The following STAG3 variants were observed in gnomAD, a reference collection of about 807,000 sequenced individuals.
STAG3 encodes STAG3 cohesin complex component.
A neutral mutation model predicts 160.7 loss-of-function variants in STAG3; 101 were observed. That is an observed-to-expected ratio of 0.63 (90% CI 0.54 to 0.74). The LOEUF is 0.74. Among genes scored for constraint, STAG3 ranks in the 30% least tolerant of loss-of-function variants. The pLI, the probability that STAG3 is intolerant of heterozygous loss-of-function variation, is 0.00. For synonymous variants in STAG3, 519 were observed against 585.0 expected (o/e 0.89, Z 1.63); for missense variants, 1,188 against 1,517.4 (o/e 0.78, Z 3.61).
chr7:100,199,072 T>G, intron 14 of STAG3, 115 bp downstream of exon 14: 7 of 1,049,916 alleles, frequency 6.7e-6, no homozygotes, highest in Non-Finnish European at 1.0e-5. Flanking sequence ...GGAGGATCCT[T>G]TGAGCCCAGG....
chr7:100,203,235 A>G (rs1404546985), intron 25 of STAG3, among the ~76,000 whole-genome samples: 2 of 150,734 alleles, frequency 1.3e-5, no homozygotes, highest in Non-Finnish European at 1.5e-5. Flanking sequence ...GCCAGGCTAG[A>G]ATGCAATGGC....
In STAG3 at chr7:100,180,476, T is replaced by G. The variant is rs1562962784; in HGVS notation, c.-64-17T>G. On this transcript the variant is annotated splice_polypyrimidine_tract_variant and intron_variant, in intron 1 of 33. Transcript: ENST00000615138. ...GAAGTGCTGTGGTAGGAGCCCTTTC[T>G]TCTCTTTCTTCCCCAGCTGGATCGC... 11 of 820,034 alleles carry G rather than the reference T, an allele frequency of 1.3e-5. No homozygotes were observed. The highest frequency in any genetic ancestry group is 1.9e-5 in the Non-Finnish European group (9 of 467,046). The allele number at this position is 820,034 out of a possible 1,614,324, so 50.8% of individuals were successfully genotyped here. A position where few individuals can be genotyped will look rare whatever the true frequency, so the allele number is the denominator to read the frequency against.
At chr7:100,194,457 T>C (rs907977420) in intron 8 of STAG3, among the ~76,000 whole-genome samples, 2 of 152,154 alleles carry the variant, frequency 1.3e-5, no homozygotes, top group African/African-American at 4.8e-5. Context: ...TGCCATCTTA[T>C]ATGGGCACGG....
At chr7:100,178,222 G>T (rs547766431) in intron 1 of STAG3, among the ~76,000 whole-genome samples, 1 of 152,324 alleles carries the variant, frequency 6.6e-6, no homozygotes, top group African/African-American at 2.4e-5. Context: ...CGCTTGGAAG[G>T]CTCTTTATCC....
intron 32 of STAG3, chr7:100,212,212 C>T (rs1617502): frequency 0.68 from 136,325 of 200,118 alleles, 47,585 homozygotes; most frequent in Middle Eastern, 0.84. Flanking sequence ...GTGGCAGCCC[C>T]TTCAGTGTCT....
At chr7:100,213,300 A>ACT (rs1211925973) in intron 32 of STAG3, 1 of 984,678 alleles carries the variant, frequency 1.0e-6, no homozygotes, top group Non-Finnish European at 1.2e-6. Context: ...GGACACAGAT[A>ACT]TTCAGTCCAT....
chr7:100,186,125 A>G (rs996133337), intron 4 of STAG3, 75 bp from the exon 5 acceptor site: 44 of 1,144,114 alleles, frequency 3.8e-5, no homozygotes, highest in Admixed American at 1.2e-4. Context: ...AGATGGTTCA[A>G]CTGGGAAGAT....
chr7:100,185,332 C>T (rs1178441627), intron 4 of STAG3, among the ~76,000 whole-genome samples: 5 of 152,158 alleles, frequency 3.3e-5, no homozygotes, highest in African/African-American at 1.2e-4. Context: ...TGTGGTGGCT[C>T]ATGCCTGTAA....
chr7:100,181,152 A>G (rs1799622657), intron 2 of STAG3, among the ~76,000 whole-genome samples: 1 of 151,726 alleles, frequency 6.6e-6, no homozygotes, highest in Admixed American at 6.6e-5. Context: ...AGTGTCCCCT[A>G]TTTCTTCTAC....
At chr7:100,179,185 G>A (rs941288) in intron 1 of STAG3, among the ~76,000 whole-genome samples, 27,191 of 147,818 alleles carry the variant, frequency 0.18, 3,191 homozygotes, top group Middle Eastern at 0.34. Context: ...TTCCCTTGCA[G>A]CAGGCAGTTT....
Position 100,189,460 on chromosome 7 carries a change from C to A in STAG3, c.731C>A (p.Thr244Asn). 3 of 1,613,624 alleles carry A rather than the reference C, an allele frequency of 1.9e-6. No homozygotes were observed. The highest frequency in any genetic ancestry group is 1.3e-5 in the African/African-American group (1 of 74,980). Residue 244 changes from threonine (T) to asparagine (N), a missense_variant, in exon 8 of 34, where the codon ACC (threonine) becomes AAC (asparagine). Physicochemically the swap from Thr to Asn is moderately conservative, Grantham distance 65 (BLOSUM62 0). Transcript: ENST00000615138. The stretch of plus-strand genomic sequence containing the variant: ...TTTCTCAAAGCTATGAAACTGATGA[C>A]CTCCCTGGTAAAAGTTGCCCTCCAA... ...TSTLAAMKLM[T>N]SLVKVALQLS...
intron 8 of STAG3, among the ~76,000 whole-genome samples, chr7:100,191,630 G>A (rs1800349343): frequency 6.6e-6 from 1 of 152,204 alleles, no homozygotes; most frequent in African/African-American, 2.4e-5. Flanking sequence ...CCTTTAGCGA[G>A]TTAAATCTTT....
At chr7:100,209,643 G>A (rs1443760598) in intron 29 of STAG3, among the ~76,000 whole-genome samples, 2 of 152,220 alleles carry the variant, frequency 1.3e-5, no homozygotes, top group African/African-American at 2.4e-5. Flanking sequence ...CAGCAGGGAG[G>A]TTGTGGCTGT....
Position 100,198,862 on chromosome 7 carries a change from G to A in STAG3, c.1372G>A (p.Glu458Lys), listed in dbSNP as rs754225345. The A allele has an allele frequency of 2.5e-6, 4 of 1,612,224 alleles. No homozygotes were observed. Among genetic ancestry groups the A allele is most frequent in the South Asian group, 1.1e-5 (1 of 90,996 alleles). ...CACCAGACTCTTCTACCCTGAGTGC[G>A]AGATAAGAATGATGGGTGGAAGAGA... ...LYWKLFYPEC[E>K]IRMMGGREQR... is the part of the protein sequence containing the mutation. The change falls in exon 14 of 34, where the codon GAG becomes AAG. Residue 458 changes from glutamate to lysine, a missense_variant. By Grantham distance (56) the Glu-to-Lys change is moderately conservative (BLOSUM62 1). This residue lies in a region of STAG3 where 240 missense variants were observed against 358.1 expected (regional missense o/e 0.67). Transcript: ENST00000615138.
chr7:100,195,789 C>T (rs761091494), intron 9 of STAG3, among the ~76,000 whole-genome samples: 4 of 152,168 alleles, frequency 2.6e-5, no homozygotes, highest in Non-Finnish European at 4.4e-5. Context: ...GTGCGAAGGG[C>T]AGGGGAGTTT....
intron 8 of STAG3, among the ~76,000 whole-genome samples, chr7:100,190,238 T>C (rs1046510127): frequency 1.3e-5 from 2 of 152,244 alleles, no homozygotes; most frequent in African/African-American, 4.8e-5. Flanking sequence ...GCAAAATCTT[T>C]TACGCTGATG....
chr7:100,213,351 T>C, intron 32 of STAG3: 1 of 985,388 alleles, frequency 1.0e-6, no homozygotes. Context: ...TCTGTTCTCT[T>C]CTCTGCAGGG....
At chr7:100,211,709 C>T in intron 31 of STAG3, 86 bp from the exon 32 acceptor site, 1 of 1,481,960 alleles carries the variant, frequency 6.7e-7, no homozygotes, top group South Asian at 1.2e-5. Flanking sequence ...TACTGCTCCC[C>T]ACTTCCCCCA....
In STAG3 at chr7:100,211,036, C is replaced by T. The variant is rs760130595; in HGVS notation, c.3264C>T (p.Asp1088=). ...VEGPAKPNRE[D]VSSSQEESLQ... ...GGCCTGCCAAGCCTAACAGAGAGGA[C>T]GTCTCCTCGTCCCAGGAAGAAAGTC... is the stretch of plus-strand genomic sequence containing the variant. The change falls in exon 30 of 34, where the codon GAC becomes GAT. Residue 1088 remains aspartate, a synonymous_variant. Transcript: ENST00000615138. The T allele has an allele frequency of 3.0e-5, 48 of 1,613,720 alleles. No homozygotes were observed. The East Asian group carries it at 4.2e-4, about 14-fold the overall frequency.
Sources: gnomAD v4.1 joint callset for allele counts (sites outside exome capture counted in the v4.1 genomes callset) on GRCh38, gnomAD v4.1.1 for gene constraint, gnomAD v4.1.1 regional missense constraint, MANE v1.5 for transcripts, NCBI Gene and HGNC (gene_info 2026-07-23, HGNC 2026-07-21) for gene names.